The following CASD1 variants were observed in gnomAD, a reference collection of about 807,000 sequenced individuals.
CASD1 encodes the protein CAS1 domain sialic acid O acetyltransferase 1, also known as N-acetylneuraminate (7)9-O-acetyltransferase.
Under a neutral mutation model 100.0 loss-of-function variants are expected in CASD1, and 41 were observed. That is an observed-to-expected ratio of 0.41 (90% CI 0.32 to 0.53). The LOEUF (loss-of-function observed/expected upper bound fraction) is 0.53. Among genes scored for constraint, CASD1 ranks in the 20% least tolerant of loss-of-function variants. The probability of loss-of-function intolerance (pLI) is 0.25; values close to 1 mark genes in which losing one functional copy is unlikely to be tolerated. For synonymous variants in CASD1, 321 were observed against 315.6 expected (o/e 1.02, Z -0.18); for missense variants, 774 against 948.7 (o/e 0.82, Z 2.42).
chr7:94,603,970 T>C, the CASD1 span, among the ~76,000 whole-genome samples: 1 of 152,146 alleles, frequency 6.6e-6, no homozygotes, highest in African/African-American at 2.4e-5. Context: ...CTGTTAGTTT[T>C]TCTACTACAC....
the CASD1 span, among the ~76,000 whole-genome samples, chr7:94,577,267 G>A: frequency 5.9e-5 from 9 of 152,042 alleles, no homozygotes; most frequent in Non-Finnish European, 1.3e-4. Context: ...ATAATATGGT[G>A]GTCCTGGAAA....
the CASD1 span, chr7:94,619,584 A>C: frequency 5.3e-5 from 8 of 152,236 alleles, no homozygotes; most frequent in Non-Finnish European, 1.0e-4. Flanking sequence ...CTCAAATGCT[A>C]CTCTTCAATT....
chr7:94,561,605 T>G (rs1233212468), downstream of CASD1, among the ~76,000 whole-genome samples: 4 of 152,126 alleles, frequency 2.6e-5, no homozygotes, highest in Non-Finnish European at 5.9e-5. Flanking sequence ...GATTCAATTT[T>G]TTTTTTTCCT....
At chr7:94,510,471 C>T (rs898533925) in intron 1 of CASD1, among the ~76,000 whole-genome samples, 1 of 152,206 alleles carries the variant, frequency 6.6e-6, no homozygotes, top group African/African-American at 2.4e-5. Context: ...GGGTCGGGGG[C>T]GCCAACCCTG....
At position 94,549,573 on chromosome 7, in the gene CASD1, A is replaced by C; in HGVS notation, c.1754A>C (p.Lys585Thr). The change falls in exon 14 of 18, where the codon AAG becomes ACG. Residue 585 changes from lysine (K) to threonine (T), a missense_variant. Physicochemically the swap from Lys to Thr is moderately conservative, Grantham distance 78. Around this residue, in one of 5 missense-constraint regions of CASD1, gnomAD observed 453 missense variants for 532.6 expected, o/e 0.85. Coordinates refer to ENST00000297273, the MANE Select transcript of CASD1 (RefSeq NM_022900.5). ...EKIFSLWPLS[K>T]CFELKGNVYE... ...ATCTTTTCTCTTTGGCCATTGTCCA[A>C]GTGTTTTGAACTGAAAGGGAATGTA... 1 of 1,611,530 alleles carries C rather than the reference A, an allele frequency of 6.2e-7. No individual in the cohort carries two copies. The highest frequency in any genetic ancestry group is 2.2e-5 in the East Asian group (1 of 44,678).
At chr7:94,533,021 G>T (rs1321760927) in intron 5 of CASD1, among the ~76,000 whole-genome samples, 184 bp from the exon 6 acceptor site, 3 of 151,958 alleles carry the variant, frequency 2.0e-5, no homozygotes, top group African/African-American at 7.3e-5. Flanking sequence ...AAGATTTTAG[G>T]CATTGGATAT....
the CASD1 span, chr7:94,599,073 A>T: frequency 2.6e-6 from 2 of 763,416 alleles, no homozygotes; most frequent in Non-Finnish European, 2.1e-6. Flanking sequence ...ATAATAAGAC[A>T]TTATGGCACT....
At chr7:94,582,198 A>G in the CASD1 span, among the ~76,000 whole-genome samples, 1 of 152,202 alleles carries the variant, frequency 6.6e-6, no homozygotes, top group South Asian at 2.1e-4. Context: ...GCTCACTGCA[A>G]CTTCCATCTC....
the CASD1 span, among the ~76,000 whole-genome samples, chr7:94,583,805 G>C: frequency 6.6e-6 from 1 of 152,124 alleles, no homozygotes; most frequent in African/African-American, 2.4e-5. Context: ...CACTAGGAGA[G>C]TACAGTTGGG....
chr7:94,562,841 G>A, the CASD1 span, among the ~76,000 whole-genome samples: 1 of 152,150 alleles, frequency 6.6e-6, no homozygotes, highest in Non-Finnish European at 1.5e-5. Flanking sequence ...CAGTCTGGGA[G>A]TGGTTTCATT....
the CASD1 span, among the ~76,000 whole-genome samples, chr7:94,602,563 A>G: frequency 6.6e-6 from 1 of 152,050 alleles, no homozygotes; most frequent in East Asian, 1.9e-4. Context: ...TTAAAACATC[A>G]GTTGGATACA....
the CASD1 span, chr7:94,622,332 A>G: frequency 6.6e-6 from 1 of 152,184 alleles, no homozygotes; most frequent in Non-Finnish European, 1.5e-5. Context: ...CATGATTTAT[A>G]CAATTCAACT....
chr7:94,544,803 C>T (rs565226849), intron 11 of CASD1, among the ~76,000 whole-genome samples: 1 of 152,116 alleles, frequency 6.6e-6, no homozygotes, highest in Admixed American at 6.5e-5. Context: ...AAATAGTTAC[C>T]TGGAATTAGT....
chr7:94,553,361 T>C (rs1388777296), intron 16 of CASD1, among the ~76,000 whole-genome samples: 2 of 152,140 alleles, frequency 1.3e-5, no homozygotes, highest in Non-Finnish European at 2.9e-5. Context: ...AGCAAAAGAC[T>C]AGATTTAAAC....
chr7:94,605,113 A>G, the CASD1 span, among the ~76,000 whole-genome samples: 1 of 151,974 alleles, frequency 6.6e-6, no homozygotes, highest in Non-Finnish European at 1.5e-5. Flanking sequence ...AAATTATAAA[A>G]CATACTATAC....
chr7:94,560,940 C>T (rs112588710), downstream of CASD1, among the ~76,000 whole-genome samples: 6 of 152,050 alleles, frequency 3.9e-5, no homozygotes, highest in South Asian at 2.1e-4. Context: ...ACATCTATTA[C>T]GTGAAAATTT....
At chr7:94,600,324 A>G in the CASD1 span, 23 of 298,098 alleles carry the variant, frequency 7.7e-5, no homozygotes, top group African/African-American at 4.9e-4. Flanking sequence ...ATGTCAGTAG[A>G]TTCTGCAGTC....
chr7:94,623,414 AC>A, the CASD1 span: 1 of 1,514,426 alleles, frequency 6.6e-7, no homozygotes, highest in Non-Finnish European at 9.2e-7. Context: ...TAAAAGGAAA[AC>A]CATATTAAAG....
At chr7:94,566,215 A>G in the CASD1 span, among the ~76,000 whole-genome samples, 516 of 152,338 alleles carry the variant, frequency 3.4e-3, 3 homozygotes, top group African/African-American at 0.011. Flanking sequence ...GGGCTTCATC[A>G]AAACACCAGA....
Sources: allele counts gnomAD v4.1 joint callset (sites outside exome capture counted in the v4.1 genomes callset), GRCh38; gene constraint gnomAD v4.1.1; regional missense constraint gnomAD v4.1.1; transcripts MANE v1.5; gene names NCBI Gene and HGNC (gene_info 2026-07-23, HGNC 2026-07-21).